Variants in ZC3H12B observed in about 807,000 individuals in gnomAD.
The protein encoded by ZC3H12B is zinc finger CCCH-type containing 12B, also known as probable ribonuclease ZC3H12B.
A neutral mutation model predicts 43.9 loss-of-function variants in ZC3H12B; 7 were observed. That is an observed-to-expected ratio of 0.16 (90% CI 0.09 to 0.30). The LOEUF is 0.30. Ranked by LOEUF, ZC3H12B falls within the 10% of genes least tolerant of loss-of-function variation. The pLI is 1.00. For synonymous variants in ZC3H12B, 222 were observed against 241.7 expected, an observed-to-expected ratio of 0.92 and a Z score of 0.76; for missense variants, 475 against 670.2, an observed-to-expected ratio of 0.71 and a Z score of 3.22.
the ZC3H12B span, among the ~76,000 whole-genome samples, chrX:65,346,786 A>C: frequency 2.7e-5 from 3 of 112,480 alleles, no homozygotes; most frequent in South Asian, 1.1e-3. Flanking sequence ...CTCTGAAAAA[A>C]AGGCAGCACC....
At chrX:65,117,234 T>G in the ZC3H12B span, among the ~76,000 whole-genome samples, 1 of 111,963 alleles carries the variant, frequency 8.9e-6, no homozygotes, top group East Asian at 2.8e-4. Context: ...GTTTCCTGAC[T>G]TTTTAATGAT....
chrX:65,253,323 G>C, the ZC3H12B span, among the ~76,000 whole-genome samples: 5 of 112,357 alleles, frequency 4.5e-5, no homozygotes, highest in African/African-American at 1.3e-4. Flanking sequence ...AAAGGAAGTT[G>C]AGCAGACGGG....
the ZC3H12B span, among the ~76,000 whole-genome samples, chrX:65,235,234 G>T: frequency 9.0e-6 from 1 of 111,106 alleles, no homozygotes; most frequent in African/African-American, 3.3e-5. Context: ...TGGGTCAAAT[G>T]GTATTTCTGC....
upstream of ZC3H12B, among the ~76,000 whole-genome samples, chrX:65,364,034 C>T (rs1012193721): frequency 2.7e-5 from 3 of 111,242 alleles, no homozygotes; most frequent in Non-Finnish European, 5.6e-5. Flanking sequence ...CTGGCATTCA[C>T]TCCATTTCCC....
At chrX:65,458,295 A>T (rs931940613) in intron 3 of ZC3H12B, among the ~76,000 whole-genome samples, 2 of 110,299 alleles carry the variant, frequency 1.8e-5, no homozygotes, top group African/African-American at 6.6e-5. Context: ...TATTAGACAG[A>T]TCAATGAGAC....
intron 3 of ZC3H12B, among the ~76,000 whole-genome samples, chrX:65,450,809 A>T (rs1204022052): frequency 1.4e-5 from 1 of 73,736 alleles, no homozygotes; most frequent in Non-Finnish European, 2.3e-5. Flanking sequence ...ACATATGTGT[A>T]TATATGTATA....
the ZC3H12B span, among the ~76,000 whole-genome samples, chrX:65,274,333 C>G: frequency 9.0e-6 from 1 of 110,954 alleles, no homozygotes; most frequent in East Asian, 2.8e-4. Context: ...GCTGCAGCAG[C>G]TCAGCACCAT....
chrX:65,352,475 A>AAAAAG, the ZC3H12B span, among the ~76,000 whole-genome samples: 10 of 106,505 alleles, frequency 9.4e-5, no homozygotes, highest in South Asian at 2.7e-3. Context: ...TTTAAAAAAA[A>AAAAAG]AAAAAGAAAA....
the ZC3H12B span, among the ~76,000 whole-genome samples, chrX:65,250,196 T>C: frequency 1.8e-5 from 2 of 111,193 alleles, no homozygotes; most frequent in Non-Finnish European, 3.8e-5. Context: ...GTTTGGTTTT[T>C]TGTCCTTGCG....
At chrX:65,455,071 T>A (rs2067587053) in intron 3 of ZC3H12B, among the ~76,000 whole-genome samples, 1 of 111,663 alleles carries the variant, frequency 9.0e-6, no homozygotes, top group South Asian at 3.7e-4. Context: ...TCAGAGCACC[T>A]CTCCTCCTCC....
chrX:65,325,326 T>C, the ZC3H12B span, among the ~76,000 whole-genome samples: 2 of 111,534 alleles, frequency 1.8e-5, no homozygotes, highest in East Asian at 5.6e-4. Context: ...TAACTGCAGA[T>C]GTCATGATCT....
chrX:65,232,601 C>T, the ZC3H12B span, among the ~76,000 whole-genome samples: 1 of 110,792 alleles, frequency 9.0e-6, no homozygotes, highest in African/African-American at 3.3e-5. Context: ...AATAAATTCA[C>T]AGAAAACAAA....
At chrX:65,365,043 C>T (rs982648357), upstream of ZC3H12B, among the ~76,000 whole-genome samples, 5 of 111,591 alleles carry the variant, frequency 4.5e-5, no homozygotes, top group East Asian at 1.1e-3. Flanking sequence ...CTTCCTACCT[C>T]TATACAGTCC....
chrX:65,472,391 GTT>G (rs201239405), intron 3 of ZC3H12B, among the ~76,000 whole-genome samples: 14 of 86,838 alleles, frequency 1.6e-4, no homozygotes, highest in African/African-American at 9.1e-4. Context: ...TGTTTTTTTT[GTT>G]TTTTTTGTTT....
At chrX:65,239,884 AG>A in the ZC3H12B span, among the ~76,000 whole-genome samples, 1 of 111,121 alleles carries the variant, frequency 9.0e-6, no homozygotes, top group African/African-American at 3.3e-5. Context: ...TTTTTCTTTA[AG>A]AATGTTGAAT....
intron 2 of ZC3H12B, among the ~76,000 whole-genome samples, chrX:65,396,251 CTAGT>C (rs2066695904): frequency 8.9e-6 from 1 of 111,826 alleles, no homozygotes; most frequent in Non-Finnish European, 1.9e-5. Context: ...TCTTGCTTCT[CTAGT>C]TATTTTAACT....
the ZC3H12B span, among the ~76,000 whole-genome samples, chrX:65,087,717 A>G: frequency 8.9e-6 from 1 of 111,996 alleles, no homozygotes; most frequent in Non-Finnish European, 1.9e-5. Flanking sequence ...TAGCTAAGCT[A>G]AGGTGGAGGA....
chrX:65,314,880 A>T, the ZC3H12B span, among the ~76,000 whole-genome samples: 1 of 111,209 alleles, frequency 9.0e-6, no homozygotes, highest in South Asian at 3.7e-4. Flanking sequence ...AGGAAACTGT[A>T]TGGTAACAAG....
At chrX:65,371,700 G>C (rs752567092) in intron 2 of ZC3H12B, among the ~76,000 whole-genome samples, 1 of 112,069 alleles carries the variant, frequency 8.9e-6, no homozygotes, top group East Asian at 2.8e-4. Flanking sequence ...CATTATGAAA[G>C]ATTAAAGAAA....
Sources: gnomAD v4.1 joint callset for allele counts (sites outside exome capture counted in the v4.1 genomes callset) on GRCh38, gnomAD v4.1.1 for gene constraint, MANE v1.5 for transcripts, NCBI Gene and HGNC (gene_info 2026-07-23, HGNC 2026-07-21) for gene names.